FAM217B: variants seen among roughly 807,000 people sequenced by gnomAD.
FAM217B encodes protein FAM217B.
For synonymous variants in FAM217B, 163 were observed against 173.0 expected (o/e 0.94, Z 0.45); for missense variants, 463 against 456.9 (o/e 1.01, Z -0.12).
rs183425622 is a variant in FAM217B at position 59,945,694 on chromosome 20, A to G, written c.*599A>G. ...TAAGCTGGTTGCTTTCTAGAGAGACAGTGGAATCTAGTACTTTAATACATT... is the reference window on the plus strand; with the variant it reads ...TAAGCTGGTTGCTTTCTAGAGAGACGGTGGAATCTAGTACTTTAATACATT... On this transcript the variant is annotated 3_prime_UTR_variant, in exon 4 of 4. Transcript: ENST00000360816. 2.3e-4 allele frequency: 39 copies of G among 166,836 alleles called. No homozygotes were observed. The highest frequency in any genetic ancestry group is 3.4e-3 in the Middle Eastern group (1 of 294). 10.3% of individuals were successfully genotyped at this position (166,836 alleles called of 1,614,324 possible).
rs78047340 is a variant in FAM217B at position 59,935,332 on chromosome 20, G to T, written c.-326+1479G>T. ...ATGTTAGTCTTTTTTATTGCTTCAT[G>T]TGTTCAGGAAGCCTGCGGATTATTT... On this transcript the variant is annotated intron_variant, in intron 1 of 4. Coordinates refer to the FAM217B transcript ENST00000358293. Among the ~76,000 whole-genome samples, 607 of 152,254 alleles carry T rather than the reference G, an allele frequency of 4.0e-3. 4 individuals carry two copies. Among genetic ancestry groups the T allele is most frequent in the African/African-American group, 0.014 (567 of 41,548 alleles).
At chr20:59,937,520 C>T (rs1342297762), upstream of FAM217B, 1 of 152,290 alleles carries the variant, frequency 6.6e-6, no homozygotes, top group Non-Finnish European at 1.5e-5. Flanking sequence ...AGCCGAAATG[C>T]ATCCTTTCAG....
In FAM217B at chr20:59,944,812, CAGA is replaced by C; in HGVS notation, c.874_876del (p.Glu292del). ...CAGAGGCAAACCCTTGAAATGAGGACAGAAGAAAAGAAAAAGAAATCAAGTAAG... is the reference window on the plus strand; with the variant it reads ...CAGAGGCAAACCCTTGAAATGAGGACAGAAAAGAAAAAGAAATCAAGTAAG... On this transcript the variant is annotated inframe_deletion, in exon 4 of 4. Transcript: ENST00000360816. 6.2e-7 allele frequency: 1 copy of C among 1,614,120 alleles called. No individual in the cohort carries two copies. The highest frequency in any genetic ancestry group is 8.5e-7 in the Non-Finnish European group (1 of 1,180,032).
upstream of FAM217B, chr20:59,940,188 G>A (rs1264531552): frequency 5.4e-6 from 2 of 368,502 alleles, no homozygotes; most frequent in Non-Finnish European, 1.0e-5. Context: ...GAGGCCTCCC[G>A]GGAGCGCAGG....
In FAM217B at chr20:59,946,335, T is replaced by A. The variant is rs2060936982; in HGVS notation, c.*1240T>A. 6.0e-6 allele frequency: 1 copy of A among 167,086 alleles called. No individual in the cohort carries two copies. The allele number at this position is 167,086 out of a possible 1,614,324, so 10.4% of individuals were successfully genotyped here. A position where few individuals can be genotyped will look rare whatever the true frequency, so the allele number is the denominator to read the frequency against. ...ATGTCATTATAGTTGATTTTATCCC[T>A]TTAAACAATTACTGTATTTGTTTTT... On this transcript the variant is annotated 3_prime_UTR_variant, in exon 4 of 4. Coordinates refer to ENST00000360816, the MANE Select transcript of FAM217B (RefSeq NM_022106.3).
Position 59,948,496 on chromosome 20 carries a change from GTAT to G in FAM217B, c.*3406_*3408del, listed in dbSNP as rs1274525586. 6.0e-6 allele frequency: 1 copy of G among 166,900 alleles called. No homozygotes were observed. Among genetic ancestry groups the G allele is most frequent in the Non-Finnish European group, 1.5e-5 (1 of 68,088 alleles). 10.3% of individuals were successfully genotyped at this position (166,900 alleles called of 1,614,324 possible). A position where few individuals can be genotyped will look rare whatever the true frequency, so the allele number is the denominator to read the frequency against. On this transcript the variant is annotated 3_prime_UTR_variant, in exon 4 of 4. Transcript: ENST00000360816. ...TTTTAAGGTAATTCAGAAGCAGTAT[GTAT>G]TATTTATGTACATGTACAGGACACC...
Position 59,944,232 on chromosome 20 carries a change from C to T in FAM217B, c.289C>T (p.Leu97Phe), listed in dbSNP as rs749607647. Residue 97 changes from leucine (L) to phenylalanine (F), a missense_variant, in exon 4 of 4, where the codon CTC becomes TTC. Leu to Phe is a conservative substitution (Grantham distance 22). Coordinates refer to ENST00000360816, the MANE Select transcript of FAM217B (RefSeq NM_022106.3). ...ENADEDSASD[L>F]SDSERIPIPP... ...TGCTGATGAGGACAGTGCAAGTGAT[C>T]TCTCTGATTCGGAAAGAATTCCCAT... 1 of 1,614,182 alleles carries T rather than the reference C, an allele frequency of 6.2e-7. No homozygotes were observed. The highest frequency in any genetic ancestry group is 1.1e-5 in the South Asian group (1 of 91,074).
chr20:59,936,071 T>C (rs1035723434), upstream of FAM217B, among the ~76,000 whole-genome samples: 3 of 152,190 alleles, frequency 2.0e-5, no homozygotes, highest in Non-Finnish European at 2.9e-5. Context: ...ACTACACACC[T>C]CAGGTATATA....
rs940073037 is a variant in FAM217B at position 59,946,393 on chromosome 20, G to A, written c.*1298G>A. On this transcript the variant is annotated 3_prime_UTR_variant, in exon 4 of 4. Transcript: ENST00000360816. ...AGGTTTCAATTTTTTCACCTTGGGG[G>A]CAAATGAAAAACTTGGCATTTTTCA... is the stretch of plus-strand genomic sequence containing the variant. 1 of 166,778 alleles carries A rather than the reference G, an allele frequency of 6.0e-6. No homozygotes were observed. The highest frequency in any genetic ancestry group is 2.4e-5 in the African/African-American group (1 of 41,362). The allele number at this position is 166,778 out of a possible 1,614,324, so 10.3% of individuals were successfully genotyped here. A position where few individuals can be genotyped will look rare whatever the true frequency, so the allele number is the denominator to read the frequency against.
chr20:59,946,233 A>C lies in FAM217B; in HGVS notation c.*1138A>C, dbSNP rs549408420. 4 of 167,158 alleles carry C rather than the reference A, an allele frequency of 2.4e-5. No individual in the cohort carries two copies. In the East Asian group the frequency reaches 7.7e-4, roughly 32 times the overall value. The allele number at this position is 167,158 out of a possible 1,614,324, so 10.4% of individuals were successfully genotyped here. On this transcript the variant is annotated 3_prime_UTR_variant, in exon 4 of 4. Coordinates refer to ENST00000360816, the MANE Select transcript of FAM217B (RefSeq NM_022106.3). ...CAAGCCTTCTTATTTCACTGCAGTT[A>C]AATAACATCTTCTTGTTCCTATAGT...
Position 59,948,037 on chromosome 20 carries a change from T to C in FAM217B, c.*2942T>C, listed in dbSNP as rs1475866250. On this transcript the variant is annotated 3_prime_UTR_variant, in exon 4 of 4. Transcript: ENST00000360816. ...CCAATTAAAACAATCCAAGTTTCTT[T>C]AAAAAAAAAAAGAAAAAGAAAAAGA... 6.9e-6 allele frequency: 1 copy of C among 145,510 alleles called. No individual in the cohort carries two copies. Among genetic ancestry groups the C allele is most frequent in the South Asian group, 2.2e-4 (1 of 4,488 alleles). 9.0% of individuals were successfully genotyped at this position (145,510 alleles called of 1,614,324 possible).
Position 59,940,492 on chromosome 20 carries a change from A to C in FAM217B, c.-246A>C, listed in dbSNP as rs2060896741. 1 of 152,350 alleles carries C rather than the reference A, an allele frequency of 6.6e-6. No individual in the cohort carries two copies. Among genetic ancestry groups the C allele is most frequent in the East Asian group, 1.9e-4 (1 of 5,164 alleles). The allele number at this position is 152,350 out of a possible 1,614,324, so 9.4% of individuals were successfully genotyped here. A position where few individuals can be genotyped will look rare whatever the true frequency, so the allele number is the denominator to read the frequency against. ...CCCGCGCGGGCGCCGGAGAGGAAGG[A>C]AGGCTGGCAGCCTCGTCACGTGTCC... On this transcript the variant is annotated 5_prime_UTR_variant, in exon 1 of 4. Coordinates refer to ENST00000360816, the MANE Select transcript of FAM217B (RefSeq NM_022106.3).
intron 1 of FAM217B, among the ~76,000 whole-genome samples, chr20:59,934,554 C>T (rs2060844104): frequency 6.6e-6 from 1 of 152,136 alleles, no homozygotes; most frequent in African/African-American, 2.4e-5. Flanking sequence ...TTAACTTCAT[C>T]CGAGGAATTC....
At chr20:59,939,824 C>T, upstream of FAM217B, 1 of 1,237,008 alleles carries the variant, frequency 8.1e-7, no homozygotes. Flanking sequence ...CCCGCGGCTC[C>T]AGGGCCACGC....
chr20:59,936,816 T>C (rs919902603), upstream of FAM217B: 4 of 152,264 alleles, frequency 2.6e-5, no homozygotes, highest in African/African-American at 9.7e-5. Flanking sequence ...TGAAGCATAA[T>C]AGAATGGCTC....
At position 59,944,222 on chromosome 20, in the gene FAM217B, T is replaced by C. The variant is rs1404994373; in HGVS notation, c.279T>C (p.Ser93=). Residue 93 remains serine (S), a synonymous_variant, in exon 4 of 4, where the codon AGT becomes AGC. Coordinates refer to ENST00000360816, the MANE Select transcript of FAM217B (RefSeq NM_022106.3). The part of the protein sequence containing the change: ...KIIKENADED[S]ASDLSDSERI... ...TTAAAGAGAATGCTGATGAGGACAG[T>C]GCAAGTGATCTCTCTGATTCGGAAA... The C allele has an allele frequency of 3.7e-6, 6 of 1,614,064 alleles. No homozygotes were observed. Among genetic ancestry groups the C allele is most frequent in the Non-Finnish European group, 5.1e-6 (6 of 1,180,038 alleles).
At position 59,940,425 on chromosome 20, in the gene FAM217B, C is replaced by G. The variant is rs946592420; in HGVS notation, c.-313C>G. ...GGAGCTCAGCGGAGCTGCGCGCCTC[C>G]GCCTCCAGCTCCCCTGCCGCAGCGC... On this transcript the variant is annotated 5_prime_UTR_variant, in exon 1 of 4. Transcript: ENST00000360816. 6.6e-6 allele frequency: 1 copy of G among 152,222 alleles called. No homozygotes were observed. Among genetic ancestry groups the G allele is most frequent in the Non-Finnish European group, 1.5e-5 (1 of 68,068 alleles). The allele number at this position is 152,222 out of a possible 1,614,324, so 9.4% of individuals were successfully genotyped here.
Position 59,944,365 on chromosome 20 carries a change from A to G in FAM217B, c.422A>G (p.Tyr141Cys), listed in dbSNP as rs570477685. Residue 141 changes from tyrosine to cysteine, a missense_variant, in exon 4 of 4, where the codon TAT becomes TGT. Tyr to Cys is a radical substitution (Grantham distance 194). Coordinates refer to ENST00000360816, the MANE Select transcript of FAM217B (RefSeq NM_022106.3). ...PGQGHTKPEYYYPNFLPSPFS... is the reference protein window; with the variant it reads ...PGQGHTKPEYCYPNFLPSPFS... The stretch of plus-strand genomic sequence containing the variant: ...CAGGGCCATACAAAACCTGAATACT[A>G]TTATCCTAATTTCCTTCCATCCCCT... The G allele has an allele frequency of 6.2e-7, 1 of 1,614,028 alleles. No homozygotes were observed. Among genetic ancestry groups the G allele is most frequent in the Non-Finnish European group, 8.5e-7 (1 of 1,180,012 alleles).
upstream of FAM217B, chr20:59,937,504 G>C (rs1480821673): frequency 1.3e-5 from 2 of 152,388 alleles, no homozygotes; most frequent in South Asian, 2.1e-4. Flanking sequence ...AACCAAACTG[G>C]TTAAAAGCCG....
Sources: gnomAD v4.1 joint callset for allele counts (sites outside exome capture counted in the v4.1 genomes callset) on GRCh38, gnomAD v4.1.1 for gene constraint, MANE v1.5 for transcripts, NCBI Gene and HGNC (gene_info 2026-07-23, HGNC 2026-07-21) for gene names.